TMEM41B: variants seen among roughly 807,000 people sequenced by gnomAD.
The protein encoded by TMEM41B is transmembrane protein 41B.
Under a neutral mutation model 31.9 loss-of-function variants are expected in TMEM41B, and 18 were observed. The observed-to-expected ratio is 0.56, with a 90% CI of 0.39 to 0.84. The LOEUF is 0.84. Ranked by LOEUF, TMEM41B falls within the 40% of genes least tolerant of loss-of-function variation. The pLI, the probability that TMEM41B is intolerant of heterozygous loss-of-function variation, is 0.00. For missense variants in TMEM41B, 322 were observed against 348.0 expected (o/e 0.93, Z 0.59); for synonymous variants, 144 against 124.3 (o/e 1.16, Z -1.05).
chr11:9,304,181 T>C (rs1853324949), intron 1 of TMEM41B, among the ~76,000 whole-genome samples: 1 of 152,210 alleles, frequency 6.6e-6, no homozygotes, highest in South Asian at 2.1e-4. Flanking sequence ...TATGCTTTTT[T>C]GGAACACAGA....
chr11:9,304,531 G>A (rs1853336394), intron 1 of TMEM41B, among the ~76,000 whole-genome samples: 1 of 151,938 alleles, frequency 6.6e-6, no homozygotes, highest in African/African-American at 2.4e-5. Context: ...GGAGTGCAGT[G>A]GTGAAATCAT....
chr11:9,306,978 T>C (rs890157990), intron 1 of TMEM41B, among the ~76,000 whole-genome samples: 6 of 152,212 alleles, frequency 3.9e-5, no homozygotes, highest in Non-Finnish European at 8.8e-5. Flanking sequence ...CACTTCCTTC[T>C]ATATCTTGCT....
intron 1 of TMEM41B, among the ~76,000 whole-genome samples, chr11:9,306,463 A>G (rs577703260): frequency 6.6e-6 from 1 of 151,938 alleles, no homozygotes; most frequent in African/African-American, 2.4e-5. Flanking sequence ...CGGTCGGATC[A>G]TGAGGTCAGG....
intron 5 of TMEM41B, 37 bp from the exon 6 acceptor site, chr11:9,286,630 G>C (rs1295310541): frequency 6.4e-7 from 1 of 1,562,626 alleles, no homozygotes; most frequent in South Asian, 1.2e-5. Flanking sequence ...ATCAGATGAG[G>C]ACAACTTCAA....
chr11:9,295,403 G>A lies in TMEM41B; in HGVS notation c.240-16C>T. The A allele has an allele frequency of 3.3e-6, 5 of 1,496,286 alleles. No individual in the cohort carries two copies. The highest frequency in any genetic ancestry group is 4.5e-6 in the Non-Finnish European group (5 of 1,103,670). The allele number at this position is 1,496,286 out of a possible 1,614,324, so 92.7% of individuals were successfully genotyped here. A position where few individuals can be genotyped will look rare whatever the true frequency, so the allele number is the denominator to read the frequency against. ...TCTTTCTTCTCTGAAGAAATAAAGT[G>A]AAAAATTTTAGAACAGAATTTTGCC... On this transcript the variant is annotated splice_polypyrimidine_tract_variant and intron_variant, in intron 2 of 6. Coordinates refer to ENST00000528080, the MANE Select transcript of TMEM41B (RefSeq NM_015012.4).
chr11:9,314,428 C>A lies in TMEM41B; in HGVS notation c.14G>T (p.Arg5Ile). ...GCCCAACTGCGATCGTTCGGCGACT[C>A]TGCCTTTCGCCATGGCTGCTGCAAG... MAKG[R>I]VAERSQLGAH... is the part of the protein sequence containing the mutation. The change falls in exon 1 of 7, where the codon AGA becomes ATA. Residue 5 changes from arginine to isoleucine, a missense_variant. This residue lies in a region of TMEM41B where 183 missense variants were observed against 175.3 expected (regional missense o/e 1.04). Transcript: ENST00000528080. The A allele has an allele frequency of 6.4e-7, 1 of 1,558,958 alleles. No homozygotes were observed. Among genetic ancestry groups the A allele is most frequent in the Non-Finnish European group, 8.7e-7 (1 of 1,150,920 alleles).
chr11:9,309,642 G>A (rs1049874839), intron 1 of TMEM41B, among the ~76,000 whole-genome samples: 28 of 151,702 alleles, frequency 1.8e-4, no homozygotes, highest in African/African-American at 6.3e-4. Context: ...AATATTGTCA[G>A]CCAGGCGCAG....
At position 9,314,523 on chromosome 11, in the gene TMEM41B, A is replaced by AG; in HGVS notation, c.-83_-82insC. 6.8e-7 allele frequency: 1 copy of AG among 1,468,474 alleles called. No individual in the cohort carries two copies. The highest frequency in any genetic ancestry group is 9.0e-7 in the Non-Finnish European group (1 of 1,106,528). 91.0% of individuals were successfully genotyped at this position (1,468,474 alleles called of 1,614,324 possible). ...CTGTTGCAGGCTCCTTACTACGCCG[A>AG]AGCGCCACGGCTAGAGCCACTTCCG... On this transcript the variant is annotated 5_prime_UTR_variant, in exon 1 of 7. Coordinates refer to ENST00000528080, the MANE Select transcript of TMEM41B (RefSeq NM_015012.4).
At position 9,281,605 on chromosome 11, in the gene TMEM41B, G is replaced by GT. The variant is rs1394475944; in HGVS notation, c.*1818dup. On this transcript the variant is annotated 3_prime_UTR_variant, in exon 7 of 7. Coordinates refer to ENST00000528080, the MANE Select transcript of TMEM41B (RefSeq NM_015012.4). ...CATGGGTGAAGGTAAAACTGACAGA[G>GT]TACTTTAGATCAGCTATGTCCTACA... 2.6e-5 allele frequency: 4 copies of GT among 152,200 alleles called. No individual in the cohort carries two copies. Among genetic ancestry groups the GT allele is most frequent in the Non-Finnish European group, 4.4e-5 (3 of 68,036 alleles). 9.4% of individuals were successfully genotyped at this position (152,200 alleles called of 1,614,324 possible).
intron 3 of TMEM41B, among the ~76,000 whole-genome samples, 168 bp from the exon 4 acceptor site, chr11:9,288,703 G>GT (rs1328458302): frequency 6.6e-6 from 1 of 152,168 alleles, no homozygotes; most frequent in African/African-American, 2.4e-5. Flanking sequence ...ATAAATACTA[G>GT]TAAGTGTGTG....
In TMEM41B at chr11:9,299,679, T is replaced by C; in HGVS notation, c.144A>G (p.Gly48=). The change falls in exon 2 of 7, where the codon GGA becomes GGG. Residue 48 remains glycine, a synonymous_variant. Coordinates refer to ENST00000528080, the MANE Select transcript of TMEM41B (RefSeq NM_015012.4). The part of the protein sequence containing the change: ...HQKEKSWVEA[G]SARMSLLILV... ...ATATAAGGAGTGACATTCTTGCTGA[T>C]CCAGCTTCTACCCAGGATTTTTCTG... 1 of 1,612,090 alleles carries C rather than the reference T, an allele frequency of 6.2e-7. No homozygotes were observed. The highest frequency in any genetic ancestry group is 8.5e-7 in the Non-Finnish European group (1 of 1,179,422).
Position 9,314,564 on chromosome 11 carries a change from C to G in TMEM41B, c.-123G>C. 1 of 1,357,288 alleles carries G rather than the reference C, an allele frequency of 7.4e-7. No individual in the cohort carries two copies. The highest frequency in any genetic ancestry group is 9.8e-7 in the Non-Finnish European group (1 of 1,024,036). 84.1% of individuals were successfully genotyped at this position (1,357,288 alleles called of 1,614,324 possible). On this transcript the variant is annotated 5_prime_UTR_variant, in exon 1 of 7. Coordinates refer to ENST00000528080, the MANE Select transcript of TMEM41B (RefSeq NM_015012.4). ...GCCACTTCCGGCGCGACCTCCTCAC[C>G]CGAGACGACCTCAGCCCAGCGAGTA...
chr11:9,310,908 G>C (rs2133654586), intron 1 of TMEM41B, among the ~76,000 whole-genome samples: 1 of 152,258 alleles, frequency 6.6e-6, no homozygotes, highest in Middle Eastern at 3.4e-3. Flanking sequence ...TTACAAAAAA[G>C]ATAGAGGTTT....
chr11:9,299,528 C>A lies in TMEM41B; in HGVS notation c.239+56G>T, dbSNP rs1853194136. 7 of 1,248,568 alleles carry A rather than the reference C, an allele frequency of 5.6e-6. No homozygotes were observed. The Admixed American group carries it at 1.4e-4, about 25-fold the overall frequency. 77.3% of individuals were successfully genotyped at this position (1,248,568 alleles called of 1,614,324 possible). On this transcript the variant is annotated intron_variant, in intron 2 of 6. Coordinates refer to ENST00000528080, the MANE Select transcript of TMEM41B (RefSeq NM_015012.4). ...ATCAGCTACTGCACTTGGCCTTAAT[C>A]CACTTTCATCTTATAAATATCTATA...
At position 9,299,846 on chromosome 11, in the gene TMEM41B, A is replaced by G. The variant is rs1590382159; in HGVS notation, c.122-145T>C. The G allele has an allele frequency of 6.1e-5, 40 of 655,146 alleles. 1 individual carries two copies. The East Asian group carries it at 1.1e-3, about 18-fold the overall frequency. 40.6% of individuals were successfully genotyped at this position (655,146 alleles called of 1,614,324 possible). Reference sequence around the variant, plus strand: ...ATTAAATTTAAGCACTGGGCCGGGCACAGTGACTCACGCCTGTAATCCCAG... The same window carrying G: ...ATTAAATTTAAGCACTGGGCCGGGCGCAGTGACTCACGCCTGTAATCCCAG... On this transcript the variant is annotated intron_variant, in intron 1 of 6. Coordinates refer to ENST00000528080, the MANE Select transcript of TMEM41B (RefSeq NM_015012.4).
rs1223555237 is a variant in TMEM41B, at chr11:9,282,108, T to C, written c.*1316A>G. On this transcript the variant is annotated 3_prime_UTR_variant, in exon 7 of 7. Transcript: ENST00000528080. Reference sequence around the variant, plus strand: ...ATTATCAATACCAGGCTGGGCACAGTGGCTCATGCCTGTAATCCCAGCACT... The same window carrying C: ...ATTATCAATACCAGGCTGGGCACAGCGGCTCATGCCTGTAATCCCAGCACT... 1 of 152,192 alleles carries C rather than the reference T, an allele frequency of 6.6e-6. No individual in the cohort carries two copies. Among genetic ancestry groups the C allele is most frequent in the African/African-American group, 2.4e-5 (1 of 41,440 alleles). The allele number at this position is 152,192 out of a possible 1,614,324, so 9.4% of individuals were successfully genotyped here.
chr11:9,303,713 T>TCTGGAGTGCA (rs1564966502), intron 1 of TMEM41B, among the ~76,000 whole-genome samples: 3 of 145,980 alleles, frequency 2.1e-5, no homozygotes, highest in Non-Finnish European at 4.5e-5. Flanking sequence ...TGTCGCCCAG[T>TCTGGAGTGCA]CTGGAGTGCA....
At chr11:9,297,648 AC>A (rs1853131440) in intron 2 of TMEM41B, among the ~76,000 whole-genome samples, 1 of 152,002 alleles carries the variant, frequency 6.6e-6, no homozygotes, top group African/African-American at 2.4e-5. Flanking sequence ...CCAAGATTGC[AC>A]CACGGCACTC....
At chr11:9,290,066 C>T (rs770698728) in intron 3 of TMEM41B, among the ~76,000 whole-genome samples, 77 of 152,024 alleles carry the variant, frequency 5.1e-4, no homozygotes, top group Admixed American at 2.6e-4. Flanking sequence ...CACACAAACA[C>T]ACACACTTTT....
Sources: allele counts gnomAD v4.1 joint callset (sites outside exome capture counted in the v4.1 genomes callset), GRCh38; gene constraint gnomAD v4.1.1; regional missense constraint gnomAD v4.1.1; transcripts MANE v1.5; gene names NCBI Gene and HGNC (gene_info 2026-07-23, HGNC 2026-07-21).